The following CADM2 variants were observed in gnomAD, a reference collection of about 807,000 sequenced individuals.
The protein encoded by CADM2 is immunoglobulin superfamily member 4D.
A neutral mutation model predicts 49.8 loss-of-function variants in CADM2; 12 were observed. The ratio of observed to expected loss-of-function variants is 0.24; its 90% CI spans 0.15 to 0.39. The LOEUF is 0.39. CADM2 is among the 10% of genes least tolerant of loss of function. CADM2 has a pLI of 1.00. For missense variants in CADM2, 378 were observed against 492.3 expected, an observed-to-expected ratio of 0.77 and a Z score of 2.20; for synonymous variants, 214 against 175.4, an observed-to-expected ratio of 1.22 and a Z score of -1.74.
chr3:85,899,136 T>G (rs71316818), intron 5 of CADM2, among the ~76,000 whole-genome samples: 47,574 of 149,710 alleles, frequency 0.32, 8,696 homozygotes, highest in East Asian at 0.42. Context: ...TGGCTAATTT[T>G]TGTAATATTA....
intron 1 of CADM2, among the ~76,000 whole-genome samples, chr3:85,661,475 T>G (rs2065401061): frequency 6.6e-6 from 1 of 152,076 alleles, no homozygotes. Context: ...CAGACAAATT[T>G]GCCTTAGGCA....
At chr3:85,646,673 G>A (rs1020446549) in intron 1 of CADM2, among the ~76,000 whole-genome samples, 1 of 151,924 alleles carries the variant, frequency 6.6e-6, no homozygotes, top group Non-Finnish European at 1.5e-5. Flanking sequence ...ACATATTGTA[G>A]AGGGAAGTTA....
intron 2 of CADM2, among the ~76,000 whole-genome samples, chr3:85,741,657 ACT>A (rs943426860): frequency 1.4e-4 from 21 of 152,142 alleles, no homozygotes; most frequent in African/African-American, 4.8e-4. Flanking sequence ...GACAGGCAAG[ACT>A]CTGTCTCAGA....
At chr3:85,732,485 C>T (rs566416352) in intron 2 of CADM2, among the ~76,000 whole-genome samples, 3 of 152,108 alleles carry the variant, frequency 2.0e-5, no homozygotes, top group African/African-American at 7.2e-5. Flanking sequence ...AGGTGGAAGA[C>T]CCCGAGCTAG....
intron 1 of CADM2, among the ~76,000 whole-genome samples, chr3:85,174,533 C>CAT (rs1047166580): frequency 4.7e-5 from 7 of 150,360 alleles, no homozygotes; most frequent in East Asian, 3.9e-4. Context: ...TATATATACA[C>CAT]ATATATATAT....
chr3:85,174,195 G>A (rs1202273071), intron 1 of CADM2, among the ~76,000 whole-genome samples: 1 of 151,990 alleles, frequency 6.6e-6, no homozygotes, highest in Non-Finnish European at 1.5e-5. Flanking sequence ...CTAAACATTG[G>A]CTCTTTCCTT....
chr3:85,904,206 C>T (rs1186263043), intron 5 of CADM2, among the ~76,000 whole-genome samples: 1 of 152,160 alleles, frequency 6.6e-6, no homozygotes, highest in East Asian at 1.9e-4. Flanking sequence ...CTTGCTTTGT[C>T]TCTTCTGGAT....
At chr3:85,977,884 T>C (rs1475556511) in intron 8 of CADM2, among the ~76,000 whole-genome samples, 1 of 151,572 alleles carries the variant, frequency 6.6e-6, no homozygotes, top group Non-Finnish European at 1.5e-5. Context: ...CATGCTGTTT[T>C]CTGGTGTATC....
chr3:85,657,501 T>C (rs1462873006), intron 1 of CADM2, among the ~76,000 whole-genome samples: 1 of 151,922 alleles, frequency 6.6e-6, no homozygotes, highest in Non-Finnish European at 1.5e-5. Flanking sequence ...CTGTCTCAAA[T>C]GACATCATTA....
chr3:85,434,498 G>A (rs556819325), intron 1 of CADM2, among the ~76,000 whole-genome samples: 20 of 151,838 alleles, frequency 1.3e-4, no homozygotes, highest in Non-Finnish European at 2.7e-4. Context: ...TACACATTGG[G>A]AATACAGTTA....
chr3:85,027,371 G>A (rs2034783074), intron 1 of CADM2, among the ~76,000 whole-genome samples: 2 of 151,604 alleles, frequency 1.3e-5, no homozygotes, highest in Admixed American at 6.6e-5. Context: ...TTGGCCTCCT[G>A]AAGTGCTGGG....
intron 1 of CADM2, among the ~76,000 whole-genome samples, chr3:85,630,045 G>A (rs569107517): frequency 1.3e-5 from 2 of 151,992 alleles, no homozygotes; most frequent in Admixed American, 1.3e-4. Flanking sequence ...ATATTGAATG[G>A]TAGTAAAACA....
chr3:86,008,386 A>G (rs1407745275), intron 8 of CADM2, among the ~76,000 whole-genome samples: 4 of 152,160 alleles, frequency 2.6e-5, no homozygotes, highest in Admixed American at 6.5e-5. Context: ...ATCTGATTGA[A>G]AAGTGTGAAA....
chr3:85,431,576 C>T (rs901989336), intron 1 of CADM2, among the ~76,000 whole-genome samples: 9 of 151,424 alleles, frequency 5.9e-5, no homozygotes, highest in South Asian at 2.1e-4. Context: ...AGTGAAGCAG[C>T]AAATTTGTGA....
chr3:85,713,247 G>A (rs1225988729), intron 1 of CADM2, among the ~76,000 whole-genome samples: 2 of 152,054 alleles, frequency 1.3e-5, no homozygotes, highest in South Asian at 2.1e-4. Flanking sequence ...ACAGGCACCC[G>A]CTGCCACGCG....
intron 1 of CADM2, among the ~76,000 whole-genome samples, chr3:85,342,544 C>T (rs1836130): frequency 0.9 from 137,342 of 152,066 alleles, 62,090 homozygotes; most frequent in Middle Eastern, 0.94. Context: ...ACAAACAAAA[C>T]GCATGTAAAG....
intron 1 of CADM2, among the ~76,000 whole-genome samples, chr3:85,285,553 A>G (rs1194550747): frequency 6.6e-6 from 1 of 152,136 alleles, no homozygotes; most frequent in African/African-American, 2.4e-5. Flanking sequence ...TAGGGAATTA[A>G]CTCACATAAC....
intron 8 of CADM2, among the ~76,000 whole-genome samples, chr3:85,965,637 A>G (rs947524429): frequency 6.6e-6 from 1 of 151,630 alleles, no homozygotes; most frequent in African/African-American, 2.4e-5. Context: ...ATGTTAACAC[A>G]TTGACCATGT....
chr3:85,802,311 C>A, intron 3 of CADM2, 115 bp downstream of exon 3: 1 of 886,548 alleles, frequency 1.1e-6, no homozygotes, highest in Non-Finnish European at 1.6e-6. Flanking sequence ...ACTGCTGCTG[C>A]TTGTATTTAA....
Sources: allele counts gnomAD v4.1 joint callset (sites outside exome capture counted in the v4.1 genomes callset), GRCh38; gene constraint gnomAD v4.1.1; transcripts MANE v1.5; gene names NCBI Gene and HGNC (gene_info 2026-07-23, HGNC 2026-07-21).